The following DGKZ variants were observed in gnomAD, a reference collection of about 807,000 sequenced individuals.
DGKZ encodes the protein DAG kinase zeta.
Under a neutral mutation model 142.5 loss-of-function variants are expected in DGKZ, and 45 were observed. The ratio of observed to expected loss-of-function variants is 0.32; its 90% CI spans 0.25 to 0.40. The LOEUF (loss-of-function observed/expected upper bound fraction) is 0.40, where lower values mean the gene tolerates loss of function less well. Among genes scored for constraint, DGKZ ranks in the 10% least tolerant of loss-of-function variants. The probability of loss-of-function intolerance (pLI) is 1.00; values close to 1 mark genes in which losing one functional copy is unlikely to be tolerated. For synonymous variants in DGKZ, 442 were observed against 527.0 expected (o/e 0.84, Z 2.21); for missense variants, 755 against 1,306.5 (o/e 0.58, Z 6.51).
chr11:46,348,144 C>T (rs1033011811), intron 1 of DGKZ, among the ~76,000 whole-genome samples: 5 of 152,250 alleles, frequency 3.3e-5, no homozygotes, highest in Non-Finnish European at 5.9e-5. Context: ...ATGGAATCAC[C>T]CCAGCCCCCG....
exon 1 of DGKZ, chr11:46,333,165 G>C (rs1010686298): frequency 4.1e-6 from 4 of 986,604 alleles, no homozygotes; most frequent in Non-Finnish European, 5.2e-6. Flanking sequence ...TGCGGAACCC[G>C]GCGCTCCCCT....
At chr11:46,336,796 G>A (rs548937181) in intron 1 of DGKZ, among the ~76,000 whole-genome samples, 23 of 152,160 alleles carry the variant, frequency 1.5e-4, no homozygotes, top group South Asian at 4.2e-4. Context: ...TCAAGCGATC[G>A]CCCATCTTGG....
chr11:46,359,544 A>G (rs1942401334), intron 1 of DGKZ, among the ~76,000 whole-genome samples: 1 of 152,212 alleles, frequency 6.6e-6, no homozygotes, highest in Admixed American at 6.5e-5. Flanking sequence ...TACAAAATTC[A>G]AAATGCAAGG....
chr11:46,361,532 C>G lies in DGKZ; in HGVS notation c.162-5759C>G, dbSNP rs531577339. ...GTTACCAATCGGGTTATTTTCATAACGGCTGTCTCAGGCTGCAGGGAGGAG... is the reference window on the plus strand; with the variant it reads ...GTTACCAATCGGGTTATTTTCATAAGGGCTGTCTCAGGCTGCAGGGAGGAG... On this transcript the variant is annotated intron_variant, in intron 1 of 30. Coordinates refer to ENST00000527911, the Ensembl canonical transcript of DGKZ. 23 of 695,150 alleles carry G rather than the reference C, an allele frequency of 3.3e-5. No homozygotes were observed. The South Asian group carries it at 1.5e-3, about 45-fold the overall frequency. The allele number at this position is 695,150 out of a possible 1,614,324, so 43.1% of individuals were successfully genotyped here. A position where few individuals can be genotyped will look rare whatever the true frequency, so the allele number is the denominator to read the frequency against.
chr11:46,343,097 C>CTGGG (rs1940355340), upstream of DGKZ, among the ~76,000 whole-genome samples: 1 of 151,456 alleles, frequency 6.6e-6, no homozygotes, highest in African/African-American at 2.4e-5. Context: ...ACACTCCAGC[C>CTGGG]TGGGTGACAG....
rs368316403 is a variant in DGKZ, at chr11:46,367,982, C to T, written c.367-20C>T. ...TAGACTTACCTGGTGCCTCAGGGGC[C>T]CTCTCTTCCTGTCCTGCAGCAGAAG... is the stretch of plus-strand genomic sequence containing the variant. On this transcript the variant is annotated intron_variant, in intron 3 of 30. Transcript: ENST00000527911. This position sits in a 1 kb window ranked among gnomAD's most constrained non-coding sequence, Gnocchi z 4.1. The T allele has an allele frequency of 1.9e-6, 3 of 1,613,484 alleles. No individual in the cohort carries two copies. Among genetic ancestry groups the T allele is most frequent in the African/African-American group, 2.7e-5 (2 of 74,854 alleles).
chr11:46,375,680 C>T (rs1436254152), intron 20 of DGKZ, 49 bp downstream of exon 20: 1 of 1,522,560 alleles, frequency 6.6e-7, no homozygotes, highest in African/African-American at 1.4e-5. Flanking sequence ...CAGACCCTGC[C>T]CTCTCTGGGC....
At chr11:46,377,474 T>C (rs1944683945) in intron 25 of DGKZ, 2 of 544,416 alleles carry the variant, frequency 3.7e-6, no homozygotes, top group Non-Finnish European at 6.1e-6. Flanking sequence ...ACCCACCACC[T>C]GAGCACTCCT....
At position 46,372,518 on chromosome 11, in the gene DGKZ, C is replaced by G. The variant is rs750982173; in HGVS notation, c.1010+8C>G. On this transcript the variant is annotated splice_region_variant and intron_variant, in intron 11 of 30. Transcript: ENST00000527911. This position sits in a 1 kb window ranked among gnomAD's most constrained non-coding sequence, Gnocchi z 5.9. ...GGGAGGGCCCAAGGAGGCGTAAGTA[C>G]TTGCCAAGGTTTTGTGGGGGACATG... 6 of 1,614,046 alleles carry G rather than the reference C, an allele frequency of 3.7e-6. No individual in the cohort carries two copies. The highest frequency in any genetic ancestry group is 1.7e-6 in the Non-Finnish European group (2 of 1,180,002).
At chr11:46,379,977 A>C in exon 31 of DGKZ, 1 of 1,578,476 alleles carries the variant, frequency 6.3e-7, no homozygotes, top group South Asian at 1.1e-5. Context: ...AGGAGGGACA[A>C]TGCGGCCAGG....
intron 5 of DGKZ, 181 bp downstream of exon 5, chr11:46,369,731 CT>C: frequency 3.3e-6 from 3 of 915,534 alleles, no homozygotes; most frequent in Non-Finnish European, 5.1e-6. Flanking sequence ...GGTGGGACAG[CT>C]TGTGCCTCCT....
chr11:46,379,366 G>A (rs1944949146), intron 29 of DGKZ, 103 bp from the exon 30 acceptor site: 2 of 1,564,034 alleles, frequency 1.3e-6, no homozygotes, highest in African/African-American at 2.7e-5. Flanking sequence ...CACCCCTATT[G>A]CCCCAGAGCC....
chr11:46,378,642 C>T (rs142015463), intron 27 of DGKZ, 142 bp downstream of exon 27: 13 of 1,144,500 alleles, frequency 1.1e-5, no homozygotes, highest in Non-Finnish European at 1.5e-5. Flanking sequence ...CTCCAGTGAT[C>T]GTCCCATTCC....
intron 1 of DGKZ, among the ~76,000 whole-genome samples, chr11:46,362,290 G>A (rs1942750135): frequency 6.6e-6 from 1 of 152,188 alleles, no homozygotes; most frequent in Non-Finnish European, 1.5e-5. Flanking sequence ...TATCCTGTGA[G>A]AGCAACTCAG....
In DGKZ at chr11:46,347,480, C is replaced by T. The variant is rs1392265819; in HGVS notation, c.-180C>T. 4.1e-6 allele frequency: 4 copies of T among 982,122 alleles called. No homozygotes were observed. Among genetic ancestry groups the T allele is most frequent in the Admixed American group, 1.3e-4 (2 of 15,864 alleles). The allele number at this position is 982,122 out of a possible 1,614,324, so 60.8% of individuals were successfully genotyped here. ...CGGCTGGCGGCACTTCCTGGAGCGG[C>T]GGCGGCAGCGGCTTCCCGGGCACCT... On this transcript the variant is annotated 5_prime_UTR_variant, in exon 1 of 31. Coordinates refer to ENST00000527911, the Ensembl canonical transcript of DGKZ. This position sits in a 1 kb window ranked among gnomAD's most constrained non-coding sequence, Gnocchi z 6.4.
chr11:46,365,819 C>T lies in DGKZ; in HGVS notation c.162-1472C>T, dbSNP rs1445073488. 30 of 985,354 alleles carry T rather than the reference C, an allele frequency of 3.0e-5. No homozygotes were observed. The South Asian group carries it at 1.3e-3, about 43-fold the overall frequency. The allele number at this position is 985,354 out of a possible 1,614,324, so 61.0% of individuals were successfully genotyped here. On this transcript the variant is annotated intron_variant, in intron 1 of 30. Coordinates refer to ENST00000527911, the Ensembl canonical transcript of DGKZ. Reference sequence around the variant, plus strand: ...CCCTGGGCCCCACCGTCCATCCAGGCAGACCGACTCCCCATTTTCTTTTTG... The same window carrying T: ...CCCTGGGCCCCACCGTCCATCCAGGTAGACCGACTCCCCATTTTCTTTTTG...
intron 1 of DGKZ, chr11:46,366,445 C>G: frequency 6.4e-7 from 1 of 1,551,406 alleles, no homozygotes; most frequent in Non-Finnish European, 8.7e-7. Flanking sequence ...TCCTGAGTTG[C>G]GGGGTGAGGG....
intron 4 of DGKZ, chr11:46,369,189 A>G: frequency 4.1e-6 from 1 of 244,262 alleles, no homozygotes; most frequent in Non-Finnish European, 7.3e-6. Context: ...AAACAAAAAC[A>G]AAAAAAAAAC....
Position 46,372,123 on chromosome 11 carries a change from A to C in DGKZ, c.880A>C (p.Met294Leu), listed in dbSNP as rs753782388. The change falls in exon 10 of 31, where the codon ATG becomes CTG. Residue 294 changes from methionine (M) to leucine (L), a missense_variant. Physicochemically the swap from Met to Leu is conservative, Grantham distance 15. Transcript: ENST00000527911. This position sits in a 1 kb window ranked among gnomAD's most constrained non-coding sequence, Gnocchi z 5.9. The stretch of plus-strand genomic sequence containing the variant: ...CATCAGGCCCACCCCCTCCCCGCTC[A>C]TGAAGCCCCTGCTGGTGTTTGTGAA... 11 of 1,612,026 alleles carry C rather than the reference A, an allele frequency of 6.8e-6. No individual in the cohort carries two copies. In the Admixed American group the frequency reaches 1.5e-4, roughly 22 times the overall value.
Sources: allele counts gnomAD v4.1 joint callset (sites outside exome capture counted in the v4.1 genomes callset), GRCh38; gene constraint gnomAD v4.1.1; non-coding constraint Gnocchi (gnomAD v3.1); transcripts MANE v1.5; gene names NCBI Gene and HGNC (gene_info 2026-07-23, HGNC 2026-07-21).